GAD1: variants seen among roughly 807,000 people sequenced by gnomAD.
GAD1 encodes 67 kDa glutamic acid decarboxylase.
GAD1 carries 35 observed loss-of-function variants against 75.2 expected under a neutral mutation model. The observed-to-expected ratio is 0.47, with a 90% confidence interval of 0.36 to 0.62. The LOEUF (loss-of-function observed/expected upper bound fraction) is 0.62. Ranked by LOEUF, GAD1 falls within the 20% of genes least tolerant of loss-of-function variation. GAD1 has a pLI of 0.00. For missense variants in GAD1, 490 were observed against 758.5 expected (o/e 0.65, Z 4.16); for synonymous variants, 257 against 271.9 (o/e 0.95, Z 0.54).
chr2:170,814,676 A>G (rs1701664879), upstream of GAD1, among the ~76,000 whole-genome samples: 1 of 152,240 alleles, frequency 6.6e-6, no homozygotes, highest in African/African-American at 2.4e-5. Flanking sequence ...TCAATTAAAC[A>G]TTCTAAACAA....
At chr2:170,857,532 G>A (rs138406497) in intron 15 of GAD1, among the ~76,000 whole-genome samples, 4 of 152,092 alleles carry the variant, frequency 2.6e-5, no homozygotes, top group Non-Finnish European at 4.4e-5. Flanking sequence ...GATTGCTTGA[G>A]TCCAGGAGCT....
chr2:170,844,115 G>C lies in GAD1; in HGVS notation c.709G>C (p.Val237Leu). Residue 237 changes from valine to leucine, a missense_variant, in exon 7 of 17, where the codon GTT (valine) becomes CTT (leucine). This residue lies in a region of GAD1 where 324 missense variants were observed against 523.9 expected (regional missense o/e 0.62). Coordinates refer to ENST00000358196, the MANE Select transcript of GAD1 (RefSeq NM_000817.3). ...AACACTTAAGAAGATGAGAGAGATA[G>C]TTGGATGGTCAAGTAAAGATGGTGA... The part of the protein sequence containing the change: ...QITLKKMREI[V>L]GWSSKDGDGI... 1 of 1,610,570 alleles carries C rather than the reference G, an allele frequency of 6.2e-7. No individual in the cohort carries two copies. Among genetic ancestry groups the C allele is most frequent in the Non-Finnish European group, 8.5e-7 (1 of 1,176,796 alleles).
chr2:170,846,714 A>C (rs531424599), intron 10 of GAD1, among the ~76,000 whole-genome samples: 5 of 152,334 alleles, frequency 3.3e-5, no homozygotes, highest in Admixed American at 3.3e-4. Flanking sequence ...AGCTTCACAA[A>C]AGCCTAAGAG....
intron 12 of GAD1, chr2:170,852,367 C>T: frequency 3.0e-6 from 1 of 338,016 alleles, no homozygotes; most frequent in Non-Finnish European, 5.7e-6. Flanking sequence ...CCCAAGCTAA[C>T]AAATATTAGA....
At chr2:170,850,271 T>C (rs924455434) in intron 12 of GAD1, among the ~76,000 whole-genome samples, 2 of 152,156 alleles carry the variant, frequency 1.3e-5, no homozygotes, top group African/African-American at 2.4e-5. Context: ...ATCTGTCTCA[T>C]AGTAAAGAAA....
Position 170,835,211 on chromosome 2 carries a change from TTTAG to T in GAD1, c.548-1578_548-1575del, listed in dbSNP as rs1318636764. Among the ~76,000 whole-genome samples the T allele has an allele frequency of 1.3e-3, 191 of 152,348 alleles. 1 individual carries two copies. The highest frequency in any genetic ancestry group is 8.3e-4 in the South Asian group (4 of 4,828). ...TTGTATCATGAACGTCATAAATGCT[TTTAG>T]TTAATTAAACTCATTTGAATCAGGA... On this transcript the variant is annotated intron_variant, in intron 5 of 16. Coordinates refer to ENST00000358196, the MANE Select transcript of GAD1 (RefSeq NM_000817.3).
chr2:170,858,172 G>A (rs1314101395), intron 15 of GAD1, among the ~76,000 whole-genome samples: 1 of 152,092 alleles, frequency 6.6e-6, no homozygotes, highest in Non-Finnish European at 1.5e-5. Context: ...TTAGAGGCAG[G>A]CACAGTAATG....
chr2:170,815,865 C>T (rs6755102), upstream of GAD1, among the ~76,000 whole-genome samples: 3,211 of 152,302 alleles, frequency 0.021, 235 homozygotes, highest in East Asian at 0.27. Context: ...GCGGAGAGAC[C>T]CGGGAGCGCA....
intron 5 of GAD1, among the ~76,000 whole-genome samples, chr2:170,832,771 T>C (rs1702274853): frequency 6.6e-6 from 1 of 152,212 alleles, no homozygotes; most frequent in South Asian, 2.1e-4. Flanking sequence ...CTATTTCCAG[T>C]GGGAGTCCTT....
intron 3 of GAD1, among the ~76,000 whole-genome samples, chr2:170,827,106 C>G (rs999838073): frequency 6.6e-5 from 10 of 152,076 alleles, no homozygotes; most frequent in African/African-American, 2.4e-4. Flanking sequence ...CTTGGTGGCT[C>G]TGCTTTCCCC....
chr2:170,820,638 A>C (rs1701849597), intron 2 of GAD1, among the ~76,000 whole-genome samples: 1 of 152,186 alleles, frequency 6.6e-6, no homozygotes, highest in Admixed American at 6.5e-5. Context: ...CCTTGTCCCC[A>C]ACCACTAGGT....
At chr2:170,842,990 T>C (rs1386668886) in intron 6 of GAD1, among the ~76,000 whole-genome samples, 2 of 152,210 alleles carry the variant, frequency 1.3e-5, no homozygotes, top group Non-Finnish European at 2.9e-5. Flanking sequence ...AGCTTCCCCA[T>C]GTCACTTAGC....
intron 14 of GAD1, 85 bp downstream of exon 14, chr2:170,854,107 G>T: frequency 7.3e-7 from 1 of 1,369,954 alleles, no homozygotes; most frequent in Non-Finnish European, 1.0e-6. Flanking sequence ...ATATATCACA[G>T]ATAATTCACT....
chr2:170,848,995 C>A (rs989801356), intron 11 of GAD1: 8 of 480,674 alleles, frequency 1.7e-5, no homozygotes, highest in South Asian at 1.4e-4. Flanking sequence ...ACACATTGGG[C>A]TAATGGGCCA....
chr2:170,836,697 A>G, intron 5 of GAD1, 96 bp from the exon 6 acceptor site: 2 of 828,254 alleles, frequency 2.4e-6, no homozygotes, highest in Non-Finnish European at 4.2e-6. Flanking sequence ...CTGGGATGGA[A>G]GCCCCATCAG....
intron 5 of GAD1, among the ~76,000 whole-genome samples, chr2:170,832,641 C>T (rs561685593): frequency 1.1e-4 from 17 of 150,584 alleles, no homozygotes; most frequent in African/African-American, 3.9e-4. Flanking sequence ...CAAAAAGACA[C>T]AGGCACACAT....
In GAD1 at chr2:170,831,131, C is replaced by G; in HGVS notation, c.486C>G (p.Pro162=). ...TCAACTTGGAGCTCTCTGACCACCC[C>G]GAGTCCCTGGAGCAGATCCTGGTTG... ...EGFNLELSDH[P]ESLEQILVDC... is the part of the protein sequence containing the mutation. The change falls in exon 5 of 17, where the codon CCC becomes CCG. Residue 162 remains proline (P), a synonymous_variant. Transcript: ENST00000358196. The G allele has an allele frequency of 6.2e-7, 1 of 1,614,144 alleles. No individual in the cohort carries two copies. Among genetic ancestry groups the G allele is most frequent in the South Asian group, 1.1e-5 (1 of 91,078 alleles).
intron 12 of GAD1, among the ~76,000 whole-genome samples, chr2:170,849,612 G>A (rs1046462445): frequency 2.6e-5 from 4 of 152,228 alleles, no homozygotes; most frequent in African/African-American, 9.6e-5. Context: ...AATTTAGGAG[G>A]CCGAGGTGAG....
Position 170,847,781 on chromosome 2 carries a change from T to G in GAD1, c.1108T>G (p.Leu370Val). 6.2e-7 allele frequency: 1 copy of G among 1,611,638 alleles called. No individual in the cohort carries two copies. The highest frequency in any genetic ancestry group is 8.5e-7 in the Non-Finnish European group (1 of 1,177,686). ...TATATGTGAGAAATATAACCTTTGG[T>G]TGCATGTCGATGTAAGTGCTATATA... ...ADICEKYNLW[L>V]HVDAAWGGGL... Residue 370 changes from leucine (L) to valine (V), a missense_variant, in exon 11 of 17, where the codon TTG becomes GTG. Leu to Val is a conservative substitution (Grantham distance 32). Transcript: ENST00000358196.
Sources: allele counts gnomAD v4.1 joint callset (sites outside exome capture counted in the v4.1 genomes callset), GRCh38; gene constraint gnomAD v4.1.1; regional missense constraint gnomAD v4.1.1; transcripts MANE v1.5; gene names NCBI Gene and HGNC (gene_info 2026-07-23, HGNC 2026-07-21).